RGS22: variants seen among roughly 807,000 people sequenced by gnomAD.
RGS22 encodes regulator of G-protein signaling 22.
RGS22 carries 148 observed loss-of-function variants against 172.9 expected under a neutral mutation model. The ratio of observed to expected loss-of-function variants is 0.86; its 90% CI spans 0.75 to 0.98. The LOEUF is 0.98. RGS22 is among the 50% of genes least tolerant of loss of function. The probability of loss-of-function intolerance (pLI) is 0.00; values close to 1 mark genes in which losing one functional copy is unlikely to be tolerated. For synonymous variants in RGS22, 458 were observed against 480.2 expected, an observed-to-expected ratio of 0.95 and a Z score of 0.60; for missense variants, 1,347 against 1,440.8, an observed-to-expected ratio of 0.93 and a Z score of 1.05.
chr8:100,031,497 TTAC>T (rs1354341300), intron 14 of RGS22, among the ~76,000 whole-genome samples: 1 of 152,182 alleles, frequency 6.6e-6, no homozygotes, highest in South Asian at 2.1e-4. Context: ...CATTCATTAA[TTAC>T]TACATTTTCC....
intron 3 of RGS22, among the ~76,000 whole-genome samples, chr8:100,090,693 G>A (rs76209450): frequency 0.022 from 3,385 of 152,196 alleles, 54 homozygotes; most frequent in Middle Eastern, 0.065. Flanking sequence ...TTAAGTCAAG[G>A]AGAAAGTGAT....
chr8:100,049,924 C>G (rs2131659968), intron 10 of RGS22, among the ~76,000 whole-genome samples: 1 of 152,038 alleles, frequency 6.6e-6, no homozygotes, highest in East Asian at 1.9e-4. Flanking sequence ...TGGTGGGTGC[C>G]TGTAGTACCA....
chr8:99,981,795 C>A, intron 22 of RGS22, 142 bp downstream of exon 22: 1 of 476,770 alleles, frequency 2.1e-6, no homozygotes, highest in Non-Finnish European at 3.4e-6. Context: ...CTCCTGAGCT[C>A]AAACAATCTG....
At chr8:100,047,820 A>G (rs1820884083) in intron 10 of RGS22, among the ~76,000 whole-genome samples, 1 of 152,180 alleles carries the variant, frequency 6.6e-6, no homozygotes, top group Admixed American at 6.5e-5. Flanking sequence ...AGGAAGAGCA[A>G]AAGGCTTATA....
intron 9 of RGS22, among the ~76,000 whole-genome samples, chr8:100,062,306 A>T (rs1810200211): frequency 6.6e-6 from 1 of 152,162 alleles, no homozygotes; most frequent in Non-Finnish European, 1.5e-5. Context: ...TTAAAATAGA[A>T]GTTAAAAGTA....
At chr8:100,066,346 CT>C in intron 6 of RGS22, 50 bp from the exon 7 acceptor site, 3 of 1,496,760 alleles carry the variant, frequency 2.0e-6, no homozygotes, top group Non-Finnish European at 2.8e-6. Flanking sequence ...CAGTATTACT[CT>C]GATCACAAAC....
At chr8:100,032,535 C>T (rs1240402999) in intron 14 of RGS22, among the ~76,000 whole-genome samples, 1 of 152,058 alleles carries the variant, frequency 6.6e-6, no homozygotes, top group African/African-American at 2.4e-5. Context: ...TAGAGACCTA[C>T]AAAGAGACTT....
At position 99,961,017 on chromosome 8, in the gene RGS22, C is replaced by T. The variant is rs1810138554; in HGVS notation, c.*225G>A. On this transcript the variant is annotated 3_prime_UTR_variant, in exon 28 of 28. Transcript: ENST00000360863. The stretch of plus-strand genomic sequence containing the variant: ...CTTATAGTCTTGTATGTCATGTGTA[C>T]AGAATAGCTATAATTTTAAAACTGC... 3.0e-6 allele frequency: 1 copy of T among 333,406 alleles called. No individual in the cohort carries two copies. The highest frequency in any genetic ancestry group is 2.2e-5 in the African/African-American group (1 of 46,190). The allele number at this position is 333,406 out of a possible 1,614,324, so 20.7% of individuals were successfully genotyped here. A position where few individuals can be genotyped will look rare whatever the true frequency, so the allele number is the denominator to read the frequency against.
At chr8:100,011,406 C>T (rs1052106922) in intron 14 of RGS22, among the ~76,000 whole-genome samples, 1 of 152,140 alleles carries the variant, frequency 6.6e-6, no homozygotes, top group African/African-American at 2.4e-5. Flanking sequence ...ACTGGTCTTC[C>T]CAGACTCCTC....
At chr8:100,069,194 AT>A (rs1810765807) in intron 6 of RGS22, among the ~76,000 whole-genome samples, 1 of 152,186 alleles carries the variant, frequency 6.6e-6, no homozygotes, top group South Asian at 2.1e-4. Context: ...TTGTATGATA[AT>A]TTTGATCAAC....
In RGS22 at chr8:100,041,655, GT is replaced by G. The variant is rs1413928351; in HGVS notation, c.1938+146del. 3 of 540,628 alleles carry G rather than the reference GT, an allele frequency of 5.5e-6. No homozygotes were observed. The African/African-American group carries it at 5.7e-5, about 10-fold the overall frequency. The allele number at this position is 540,628 out of a possible 1,614,324, so 33.5% of individuals were successfully genotyped here. On this transcript the variant is annotated intron_variant, in intron 12 of 27. Coordinates refer to ENST00000360863, the MANE Select transcript of RGS22 (RefSeq NM_015668.5). ...AGAAAAACACAGAGGAAATATTTGT[GT>G]AAAAATCCTTTGGCAAGGAAAAAAA...
intron 24 of RGS22, among the ~76,000 whole-genome samples, chr8:99,964,845 A>G (rs972878166): frequency 6.6e-6 from 1 of 152,220 alleles, no homozygotes; most frequent in Non-Finnish European, 1.5e-5. Context: ...AACATACGAC[A>G]TTTCAGGGAA....
intron 3 of RGS22, among the ~76,000 whole-genome samples, chr8:100,092,486 ATGT>A (rs750333029): frequency 1.3e-5 from 2 of 152,182 alleles, no homozygotes; most frequent in Admixed American, 6.5e-5. Context: ...GAATGGATTA[ATGT>A]TGTTATCTTG....
intron 4 of RGS22, among the ~76,000 whole-genome samples, chr8:100,073,550 G>A (rs1380994): frequency 0.38 from 58,506 of 152,064 alleles, 11,781 homozygotes; most frequent in East Asian, 0.55. Context: ...CTTGTTGACA[G>A]TCTCACTGCT....
chr8:100,104,746 T>C (rs1157855915), intron 2 of RGS22, among the ~76,000 whole-genome samples: 1 of 152,154 alleles, frequency 6.6e-6, no homozygotes, highest in Non-Finnish European at 1.5e-5. Flanking sequence ...TAGAAGTGGT[T>C]AGAGCTCTTG....
intron 14 of RGS22, among the ~76,000 whole-genome samples, chr8:100,018,684 T>C (rs1163497867): frequency 1.3e-5 from 2 of 152,246 alleles, no homozygotes; most frequent in Non-Finnish European, 2.9e-5. Flanking sequence ...ACACATGAGA[T>C]AGCTCAAACG....
At chr8:100,086,740 CT>C (rs1456575433) in intron 3 of RGS22, among the ~76,000 whole-genome samples, 1 of 152,048 alleles carries the variant, frequency 6.6e-6, no homozygotes, top group Non-Finnish European at 1.5e-5. Flanking sequence ...AGATAAGCAA[CT>C]TATCGGTCCC....
intron 14 of RGS22, among the ~76,000 whole-genome samples, chr8:100,022,244 C>T (rs540827080): frequency 1.5e-4 from 23 of 152,022 alleles, no homozygotes; most frequent in Middle Eastern, 3.4e-3. Context: ...TGGACTTGTA[C>T]GAAAAAAGAT....
At chr8:100,091,917 G>A (rs1812611639) in intron 3 of RGS22, 1 of 152,142 alleles carries the variant, frequency 6.6e-6, no homozygotes. Context: ...TGTTGCTCAG[G>A]CTTGTTCTTG....
Sources: allele counts gnomAD v4.1 joint callset (sites outside exome capture counted in the v4.1 genomes callset), GRCh38; gene constraint gnomAD v4.1.1; transcripts MANE v1.5; gene names NCBI Gene and HGNC (gene_info 2026-07-23, HGNC 2026-07-21).